PARD3B: variants seen among roughly 807,000 people sequenced by gnomAD.
The protein encoded by PARD3B is par-3 family cell polarity regulator beta.
A neutral mutation model predicts 130.2 loss-of-function variants in PARD3B; 103 were observed. The observed-to-expected ratio is 0.79, with a 90% CI of 0.67 to 0.93. The LOEUF (loss-of-function observed/expected upper bound fraction) is 0.93, where lower values mean the gene tolerates loss of function less well. PARD3B is among the 40% of genes least tolerant of loss of function. The probability of loss-of-function intolerance (pLI) is 0.00; values close to 1 mark genes in which losing one functional copy is unlikely to be tolerated. For synonymous variants in PARD3B, 583 were observed against 553.2 expected, an observed-to-expected ratio of 1.05 and a Z score of -0.76; for missense variants, 1,609 against 1,499.2, an observed-to-expected ratio of 1.07 and a Z score of -1.21.
At chr2:205,422,079 G>A (rs1156242891) in intron 19 of PARD3B, among the ~76,000 whole-genome samples, 1 of 152,204 alleles carries the variant, frequency 6.6e-6, no homozygotes, top group East Asian at 1.9e-4. Flanking sequence ...AGTAATGATA[G>A]GAGTATGAAG....
At chr2:205,045,450 G>T (rs1178359283) in intron 3 of PARD3B, among the ~76,000 whole-genome samples, 1 of 151,960 alleles carries the variant, frequency 6.6e-6, no homozygotes, top group Non-Finnish European at 1.5e-5. Flanking sequence ...GTTTCACCAT[G>T]TTGGCCAGAC....
intron 2 of PARD3B, among the ~76,000 whole-genome samples, chr2:204,838,361 G>GTA (rs2044134176): frequency 6.7e-6 from 1 of 148,586 alleles, no homozygotes; most frequent in Non-Finnish European, 1.5e-5. Flanking sequence ...GTGTGTGTGT[G>GTA]TGTGTGTGTG....
At chr2:204,612,409 G>T (rs10194526) in intron 1 of PARD3B, among the ~76,000 whole-genome samples, 3 of 152,200 alleles carry the variant, frequency 2.0e-5, no homozygotes, top group African/African-American at 7.2e-5. Flanking sequence ...CTGGTGAAAC[G>T]TTAGATAGGA....
intron 3 of PARD3B, among the ~76,000 whole-genome samples, chr2:204,976,904 C>G (rs1401238937): frequency 1.3e-5 from 2 of 152,150 alleles, no homozygotes; most frequent in Non-Finnish European, 2.9e-5. Flanking sequence ...GCCAGTCCCA[C>G]CTAGCCATGC....
intron 4 of PARD3B, among the ~76,000 whole-genome samples, chr2:205,098,102 T>G (rs1488656041): frequency 1.3e-5 from 2 of 152,182 alleles, no homozygotes; most frequent in Non-Finnish European, 1.5e-5. Context: ...TATTCTGGAA[T>G]TATGCCCAGA....
chr2:205,057,690 C>CAT lies in PARD3B; in HGVS notation c.504+10004_504+10005dup, dbSNP rs60670659. Among the ~76,000 whole-genome samples, 5 of 105,898 alleles carry CAT rather than the reference C, an allele frequency of 4.7e-5. 1 individual carries two copies. The highest frequency in any genetic ancestry group is 7.5e-5 in the African/African-American group (2 of 26,706). The allele number at this position is 105,898 out of a possible 152,430, so 69.5% of individuals were successfully genotyped here. On this transcript the variant is annotated intron_variant, in intron 4 of 22. Transcript: ENST00000406610. ...ACATATATGTGTATGTGTATACGTA[C>CAT]ATATACATATATGTGTATGTGTATA...
chr2:205,383,930 G>A (rs1297528219), intron 18 of PARD3B, among the ~76,000 whole-genome samples: 1 of 152,082 alleles, frequency 6.6e-6, no homozygotes, highest in East Asian at 1.9e-4. Flanking sequence ...TGTGATTCTT[G>A]CCCATGCATC....
intron 18 of PARD3B, among the ~76,000 whole-genome samples, chr2:205,343,529 C>T (rs1350228895): frequency 1.3e-5 from 2 of 152,252 alleles, no homozygotes; most frequent in African/African-American, 4.8e-5. Flanking sequence ...TGCTGCCTTA[C>T]ACATAGGTCC....
intron 19 of PARD3B, among the ~76,000 whole-genome samples, chr2:205,436,412 TTTTA>T (rs2047518400): frequency 6.6e-6 from 1 of 152,166 alleles, no homozygotes; most frequent in Admixed American, 6.6e-5. Context: ...AGTGTTTTTC[TTTTA>T]TTTGTGTTAG....
chr2:204,873,832 A>G (rs1039700419), intron 2 of PARD3B, among the ~76,000 whole-genome samples: 1 of 152,086 alleles, frequency 6.6e-6, no homozygotes, highest in Non-Finnish European at 1.5e-5. Context: ...GTAAACAAGA[A>G]GGGCAGATAG....
At chr2:205,045,573 A>T (rs1484844368) in intron 3 of PARD3B, among the ~76,000 whole-genome samples, 2 of 152,060 alleles carry the variant, frequency 1.3e-5, no homozygotes, top group Non-Finnish European at 2.9e-5. Context: ...ATAAAATTAT[A>T]TCTTAAATAT....
chr2:205,375,777 G>T (rs2045022097), intron 18 of PARD3B, among the ~76,000 whole-genome samples: 1 of 152,168 alleles, frequency 6.6e-6, no homozygotes, highest in Non-Finnish European at 1.5e-5. Context: ...ACTTGAATTT[G>T]AGAAGCCTCT....
chr2:204,599,765 T>C (rs912403083), intron 1 of PARD3B, among the ~76,000 whole-genome samples: 1 of 152,012 alleles, frequency 6.6e-6, no homozygotes, highest in African/African-American at 2.4e-5. Context: ...ACCTCCATAC[T>C]GTTCTCCACA....
chr2:204,859,980 T>G (rs2045116995), intron 2 of PARD3B, among the ~76,000 whole-genome samples: 1 of 152,214 alleles, frequency 6.6e-6, no homozygotes, highest in Non-Finnish European at 1.5e-5. Context: ...AAGTTAGTAT[T>G]ATACTGTTAA....
At chr2:204,720,749 G>A (rs568303777) in intron 2 of PARD3B, among the ~76,000 whole-genome samples, 2 of 152,228 alleles carry the variant, frequency 1.3e-5, no homozygotes, top group South Asian at 4.1e-4. Flanking sequence ...CAGGTTATGT[G>A]TCCAGCTGCT....
chr2:205,551,608 G>C (rs530755753), intron 21 of PARD3B, among the ~76,000 whole-genome samples: 1 of 152,136 alleles, frequency 6.6e-6, no homozygotes, highest in African/African-American at 2.4e-5. Context: ...ACACTCTAAA[G>C]GTCCTCCCAC....
rs1426076535 is a variant in PARD3B at position 205,283,930 on chromosome 2, G to A, written c.2186-16600G>A. ...CAGAATGCTCCCCTCTACCCCCACA[G>A]GAGGGAAAGCAGCTCTTACCTTGGG... On this transcript the variant is annotated intron_variant, in intron 16 of 22. Transcript: ENST00000406610. Among the ~76,000 whole-genome samples, 3 of 152,114 alleles carry A rather than the reference G, an allele frequency of 2.0e-5. No individual in the cohort carries two copies. In the South Asian group the frequency reaches 6.2e-4, roughly 32 times the overall value.
intron 6 of PARD3B, among the ~76,000 whole-genome samples, chr2:205,117,274 T>G (rs2029923666): frequency 6.6e-6 from 1 of 152,228 alleles, no homozygotes; most frequent in African/African-American, 2.4e-5. Context: ...ATGACTAATT[T>G]GCTAACCTAC....
At chr2:204,679,459 T>G (rs2036717460) in intron 1 of PARD3B, among the ~76,000 whole-genome samples, 1 of 152,194 alleles carries the variant, frequency 6.6e-6, no homozygotes, top group Non-Finnish European at 1.5e-5. Flanking sequence ...ACTAGAATTC[T>G]AGTTGCTTTG....
Sources: allele counts gnomAD v4.1 joint callset (sites outside exome capture counted in the v4.1 genomes callset), GRCh38; gene constraint gnomAD v4.1.1; transcripts MANE v1.5; gene names NCBI Gene and HGNC (gene_info 2026-07-23, HGNC 2026-07-21).